The following PPP4R3B variants were observed in gnomAD, a reference collection of about 807,000 sequenced individuals.
The protein encoded by PPP4R3B is protein phosphatase 4 regulatory subunit 3B.
PPP4R3B carries 52 observed loss-of-function variants against 95.4 expected under a neutral mutation model. The observed-to-expected ratio is 0.54, with a 90% CI of 0.44 to 0.69. The LOEUF (loss-of-function observed/expected upper bound fraction) is 0.69. PPP4R3B is among the 30% of genes least tolerant of loss of function. The pLI is 0.00. For synonymous variants in PPP4R3B, 407 were observed against 343.9 expected, an observed-to-expected ratio of 1.18 and a Z score of -2.03; for missense variants, 1,003 against 1,005.9, an observed-to-expected ratio of 1.00 and a Z score of 0.04.
At chr2:55,559,104 T>C (rs1451994436) in intron 15 of PPP4R3B, 136 bp from the exon 16 acceptor site, 3 of 647,550 alleles carry the variant, frequency 4.6e-6, no homozygotes, top group Non-Finnish European at 7.5e-6. Flanking sequence ...TCCCAACACT[T>C]TGGGAGGCTG....
At chr2:55,615,378 C>T in intron 2 of PPP4R3B, 73 bp downstream of exon 2, 1 of 1,084,466 alleles carries the variant, frequency 9.2e-7, no homozygotes. Flanking sequence ...GGAAAGCTTT[C>T]CCACCTTTGT....
intron 7 of PPP4R3B, among the ~76,000 whole-genome samples, chr2:55,584,218 T>C (rs1343859244): frequency 6.6e-6 from 1 of 151,772 alleles, no homozygotes; most frequent in Non-Finnish European, 1.5e-5. Flanking sequence ...TTTTTAATAA[T>C]AAAAAAAGAG....
Position 55,558,780 on chromosome 2 carries a change from T to C in PPP4R3B, c.2449A>G (p.Thr817Ala). 1 of 1,603,256 alleles carries C rather than the reference T, an allele frequency of 6.2e-7. No individual in the cohort carries two copies. Among genetic ancestry groups the C allele is most frequent in the Non-Finnish European group, 8.5e-7 (1 of 1,173,124 alleles). ...TTNLPTSVTA[T>A]KGSLVGLVDY... ...TGTAATGCTGTTTCACCTACCTTGG[T>C]GGCTGTTACTGACGTAGGCAAGTTT... The change falls in exon 16 of 17, where the codon ACC (threonine) becomes GCC (alanine). Residue 817 changes from threonine (T) to alanine (A), a missense_variant. Thr to Ala is a moderately conservative substitution (Grantham distance 58, BLOSUM62 0). Transcript: ENST00000616407.
At position 55,603,702 on chromosome 2, in the gene PPP4R3B, T is replaced by G. The variant is rs1473730478; in HGVS notation, c.297+276A>C. ...ATTTAATTACTTAATCTTCTTTTGG[T>G]TTGCTTAAAGTACTTGCCATTTTAC... On this transcript the variant is annotated intron_variant, in intron 3 of 16. Transcript: ENST00000616407. Among the ~76,000 whole-genome samples, 4 of 152,296 alleles carry G rather than the reference T, an allele frequency of 2.6e-5. No individual in the cohort carries two copies. The East Asian group carries it at 7.7e-4, about 29-fold the overall frequency.
chr2:55,575,832 G>A (rs148274995), intron 11 of PPP4R3B, among the ~76,000 whole-genome samples: 1 of 152,156 alleles, frequency 6.6e-6, no homozygotes, highest in Admixed American at 6.5e-5. Context: ...TATTTTATTT[G>A]AGATTATATA....
chr2:55,610,868 G>GT (rs1250052645), intron 2 of PPP4R3B, among the ~76,000 whole-genome samples: 16 of 55,834 alleles, frequency 2.9e-4, no homozygotes, highest in South Asian at 5.2e-4. Context: ...TTATGACTCT[G>GT]GTTTTTTTTT....
At chr2:55,597,134 T>C (rs1234250697) in intron 4 of PPP4R3B, among the ~76,000 whole-genome samples, 9 of 152,104 alleles carry the variant, frequency 5.9e-5, no homozygotes. Flanking sequence ...AAATGGATAG[T>C]GGTAACTGCT....
At chr2:55,575,968 G>C (rs1035415042) in intron 11 of PPP4R3B, among the ~76,000 whole-genome samples, 5 of 152,164 alleles carry the variant, frequency 3.3e-5, no homozygotes, top group African/African-American at 1.2e-4. Flanking sequence ...TACTTTAAAT[G>C]CAAGTAAAGA....
chr2:55,588,709 CAA>C (rs1307873373), intron 5 of PPP4R3B, among the ~76,000 whole-genome samples, 168 bp downstream of exon 5: 1 of 151,978 alleles, frequency 6.6e-6, no homozygotes, highest in African/African-American at 2.4e-5. Context: ...ATTCTAGAAA[CAA>C]ATTTTAGAAA....
chr2:55,591,189 T>C (rs1338185999), intron 4 of PPP4R3B, among the ~76,000 whole-genome samples: 1 of 151,176 alleles, frequency 6.6e-6, no homozygotes, highest in Non-Finnish European at 1.5e-5. Context: ...CAGGCTGGAG[T>C]GCAGTGGTAC....
chr2:55,581,452 G>A (rs1689431952), intron 8 of PPP4R3B, 115 bp downstream of exon 8: 5 of 1,077,978 alleles, frequency 4.6e-6, no homozygotes, highest in Non-Finnish European at 6.5e-6. Flanking sequence ...GAATACCACT[G>A]CTACTTAAAT....
rs1344616623 is a variant in PPP4R3B at position 55,598,954 on chromosome 2, G to C, written c.383C>G (p.Thr128Ser). ...EEERFEEMPE[T>S]SHLIDLPTCE... The stretch of plus-strand genomic sequence containing the variant: ...TGTGGGCAGGTCAATCAGATGACTA[G>C]TTTCAGGCATTTCTTCAAATCGTTC... The change falls in exon 4 of 17, where the codon ACT (threonine) becomes AGT (serine). Residue 128 changes from threonine (T) to serine (S), a missense_variant. Around this residue, in one of 3 missense-constraint regions of PPP4R3B, gnomAD observed 695 missense variants for 686.2 expected, o/e 1.01. Coordinates refer to ENST00000616407, the MANE Select transcript of PPP4R3B (RefSeq NM_001122964.3). The C allele has an allele frequency of 2.5e-6, 4 of 1,614,054 alleles. No individual in the cohort carries two copies. The African/African-American group carries it at 4.0e-5, about 16-fold the overall frequency.
chr2:55,564,609 T>A (rs1051973218), intron 14 of PPP4R3B, 112 bp from the exon 15 acceptor site: 2 of 917,042 alleles, frequency 2.2e-6, no homozygotes, highest in South Asian at 1.9e-5. Flanking sequence ...TAACTGACTA[T>A]AATTTATATC....
rs764848400 is a variant in PPP4R3B, at chr2:55,549,914, T to C, written c.2547A>G (p.Ser849=). 20 of 1,611,852 alleles carry C rather than the reference T, an allele frequency of 1.2e-5. No homozygotes were observed. The highest frequency in any genetic ancestry group is 8.3e-5 in the Admixed American group (5 of 59,970). The part of the protein sequence containing the change: ...SSPRKRPRLG[S] ...TGAGGGTCCCCTAATAAATATTTTA[T>C]GAGCCAAGACGAGGTCTTTTCCTGG... Residue 849 remains serine, a synonymous_variant, in exon 17 of 17, where the codon TCA becomes TCG. Transcript: ENST00000616407.
chr2:55,605,830 G>A (rs539164776), intron 2 of PPP4R3B, among the ~76,000 whole-genome samples: 8 of 151,232 alleles, frequency 5.3e-5, no homozygotes, highest in East Asian at 1.9e-4. Context: ...CGCTTGAACC[G>A]GGGAGGCAGA....
At chr2:55,562,131 T>C (rs910915747) in intron 15 of PPP4R3B, among the ~76,000 whole-genome samples, 2 of 152,158 alleles carry the variant, frequency 1.3e-5, no homozygotes, top group African/African-American at 2.4e-5. Context: ...TCAAAGTGTG[T>C]GGCACCTCGG....
intron 7 of PPP4R3B, among the ~76,000 whole-genome samples, chr2:55,582,308 G>T (rs1252298413): frequency 6.6e-6 from 1 of 152,024 alleles, no homozygotes; most frequent in Non-Finnish European, 1.5e-5. Flanking sequence ...TCTTGCCCAG[G>T]CTGGAGTGCA....
intron 2 of PPP4R3B, among the ~76,000 whole-genome samples, chr2:55,605,821 G>C (rs938745215): frequency 6.0e-5 from 9 of 150,308 alleles, no homozygotes; most frequent in African/African-American, 2.2e-4. Flanking sequence ...CAAAAGAATC[G>C]CTTGAACCGG....
At chr2:55,553,763 A>G (rs1012809627) in intron 16 of PPP4R3B, among the ~76,000 whole-genome samples, 1 of 152,244 alleles carries the variant, frequency 6.6e-6, no homozygotes, top group Non-Finnish European at 1.5e-5. Context: ...AAGTTAATCT[A>G]TGCTTAGCAT....
Sources: gnomAD v4.1 joint callset for allele counts (sites outside exome capture counted in the v4.1 genomes callset) on GRCh38, gnomAD v4.1.1 for gene constraint, gnomAD v4.1.1 regional missense constraint, MANE v1.5 for transcripts, NCBI Gene and HGNC (gene_info 2026-07-23, HGNC 2026-07-21) for gene names.